GARRE1: variants seen among roughly 807,000 people sequenced by gnomAD.
GARRE1 encodes granule associated Rac and RHOG effector 1, also known as granule associated Rac and RHOG effector protein 1.
A neutral mutation model predicts 103.2 loss-of-function variants in GARRE1; 49 were observed. The observed-to-expected ratio is 0.47, with a 90% confidence interval of 0.38 to 0.60. The LOEUF is 0.60. Among genes scored for constraint, GARRE1 ranks in the 20% least tolerant of loss-of-function variants. GARRE1 has a pLI of 0.00. For synonymous variants in GARRE1, 505 were observed against 532.8 expected, an observed-to-expected ratio of 0.95 and a Z score of 0.72; for missense variants, 1,199 against 1,370.5, an observed-to-expected ratio of 0.87 and a Z score of 1.98.
At chr19:34,302,282 G>A (rs1171622424) in intron 2 of GARRE1, among the ~76,000 whole-genome samples, 14 of 138,060 alleles carry the variant, frequency 1.0e-4, no homozygotes, top group Non-Finnish European at 1.5e-5. Flanking sequence ...AGGAGCCACC[G>A]CGCCCAGCCG....
In GARRE1 at chr19:34,342,052, G is replaced by T. The variant is rs964632643; in HGVS notation, c.2118G>T (p.Gly706=). Residue 706 remains glycine (G), a synonymous_variant, in exon 10 of 14, where the codon GGG becomes GGT. Transcript: ENST00000299505. ...VPPPPRAPQA[G]AHTPLTPQPG... is the part of the protein sequence containing the mutation. The stretch of plus-strand genomic sequence containing the variant: ...CTCCACCACGGGCACCCCAGGCTGG[G>T]GCACACACACCTCTGACACCCCAGC... 1 of 1,613,974 alleles carries T rather than the reference G, an allele frequency of 6.2e-7. No individual in the cohort carries two copies. Among genetic ancestry groups the T allele is most frequent in the Admixed American group, 1.7e-5 (1 of 59,990 alleles).
intron 2 of GARRE1, among the ~76,000 whole-genome samples, chr19:34,313,054 G>C (rs2074044268): frequency 6.6e-6 from 1 of 152,222 alleles, no homozygotes; most frequent in African/African-American, 2.4e-5. Context: ...TACTGAGATG[G>C]GGAGTAGTGG....
rs61206770 is a variant in GARRE1 at position 34,328,001 on chromosome 19, C to T, written c.954C>T (p.Ser318=). The T allele has an allele frequency of 1.6e-4, 261 of 1,614,106 alleles. No individual in the cohort carries two copies. The African/African-American group carries it at 3.2e-3, about 20-fold the overall frequency. ...AIEASLQGCC[S]EAEAQQTGRR... ...CATGCCTTTTCCAGGGCTGCTGCAG[C>T]GAGGCGGAAGCCCAGCAGACGGGGC... is the stretch of plus-strand genomic sequence containing the variant. The change falls in exon 6 of 14, where the codon AGC becomes AGT. Residue 318 remains serine, a synonymous_variant. Coordinates refer to ENST00000299505, the MANE Select transcript of GARRE1 (RefSeq NM_014686.5).
rs566408391 is a variant in GARRE1, at chr19:34,352,047, A to G, written c.2904+455A>G. 3.3e-5 allele frequency among the ~76,000 whole-genome samples: 5 copies of G among 152,210 alleles called. No homozygotes were observed. The East Asian group carries it at 9.6e-4, about 29-fold the overall frequency. On this transcript the variant is annotated intron_variant, in intron 13 of 13. Coordinates refer to ENST00000299505, the MANE Select transcript of GARRE1 (RefSeq NM_014686.5). Reference sequence around the variant, plus strand: ...CAGGAATTTGAGATTACAGTAAGCTATGATTGCACCATTGCACTCCAGCCT... The same window carrying G: ...CAGGAATTTGAGATTACAGTAAGCTGTGATTGCACCATTGCACTCCAGCCT...
chr19:34,277,757 A>G (rs990463014), intron 1 of GARRE1, among the ~76,000 whole-genome samples: 10 of 152,120 alleles, frequency 6.6e-5, no homozygotes, highest in East Asian at 3.9e-4. Flanking sequence ...TAGATACACT[A>G]TTTCATTAGA....
chr19:34,299,129 T>C (rs1204917720), intron 1 of GARRE1, among the ~76,000 whole-genome samples: 2 of 152,246 alleles, frequency 1.3e-5, no homozygotes, highest in Non-Finnish European at 2.9e-5. Context: ...CTTTGGGACC[T>C]TTGCCGTGGT....
intron 1 of GARRE1, among the ~76,000 whole-genome samples, chr19:34,264,938 T>C (rs953552702): frequency 1.3e-5 from 2 of 152,210 alleles, no homozygotes; most frequent in Non-Finnish European, 2.9e-5. Flanking sequence ...GAGTCTGTTC[T>C]AGGATTCGTG....
chr19:34,349,064 C>T lies in GARRE1; in HGVS notation c.2736C>T (p.Ser912=). ...GWSGAQGDSA[S]SSDETSSANG... ...CGGGTGCTCAGGGAGACTCTGCCAGCTCGAGTGATGAGACATCCTCAGCCA... is the reference window on the plus strand; with the variant it reads ...CGGGTGCTCAGGGAGACTCTGCCAGTTCGAGTGATGAGACATCCTCAGCCA... Residue 912 remains serine (S), a synonymous_variant, in exon 12 of 14, where the codon AGC becomes AGT. Transcript: ENST00000299505. 6.2e-7 allele frequency: 1 copy of T among 1,612,700 alleles called. No individual in the cohort carries two copies.
intron 2 of GARRE1, among the ~76,000 whole-genome samples, chr19:34,312,809 C>T (rs2074043144): frequency 1.3e-5 from 2 of 152,170 alleles, no homozygotes; most frequent in East Asian, 1.9e-4. Context: ...TGCCTGTAGT[C>T]CCAGTTACTC....
At chr19:34,274,271 G>C (rs1001812465) in intron 1 of GARRE1, among the ~76,000 whole-genome samples, 2 of 152,084 alleles carry the variant, frequency 1.3e-5, no homozygotes, top group African/African-American at 4.8e-5. Context: ...CGGGTGTTGT[G>C]GTGTATGCCT....
intron 3 of GARRE1, among the ~76,000 whole-genome samples, chr19:34,323,253 G>A (rs112723328): frequency 0.019 from 2,897 of 151,364 alleles, 103 homozygotes; most frequent in African/African-American, 0.066. Context: ...GGATGGTCTC[G>A]ATCTCCTGAC....
intron 2 of GARRE1, among the ~76,000 whole-genome samples, chr19:34,311,112 C>T (rs1555783463): frequency 1.3e-5 from 2 of 152,168 alleles, no homozygotes; most frequent in Non-Finnish European, 2.9e-5. Context: ...CCTGTCTCAG[C>T]TTCCCAACTA....
intron 2 of GARRE1, among the ~76,000 whole-genome samples, chr19:34,310,168 A>C (rs1041464101): frequency 1.3e-5 from 2 of 152,262 alleles, no homozygotes; most frequent in Non-Finnish European, 2.9e-5. Flanking sequence ...AGGAGAGTTC[A>C]TGGAATATAA....
intron 1 of GARRE1, among the ~76,000 whole-genome samples, chr19:34,263,755 G>A (rs1253282385): frequency 6.6e-6 from 1 of 152,128 alleles, no homozygotes; most frequent in Admixed American, 6.5e-5. Flanking sequence ...CCAAAGTGCT[G>A]GGATTACAGG....
intron 1 of GARRE1, among the ~76,000 whole-genome samples, chr19:34,258,517 G>T (rs929105683): frequency 2.0e-5 from 3 of 152,166 alleles, no homozygotes; most frequent in Admixed American, 1.3e-4. Flanking sequence ...GGGCGCAGTG[G>T]CTCACGCCTG....
At chr19:34,277,925 T>G (rs2073827228) in intron 1 of GARRE1, among the ~76,000 whole-genome samples, 1 of 104,740 alleles carries the variant, frequency 9.5e-6, no homozygotes, top group African/African-American at 3.5e-5. Flanking sequence ...CCCCCAGCAG[T>G]TTTCAGAACA....
chr19:34,339,149 C>G (rs1166137307), intron 8 of GARRE1, among the ~76,000 whole-genome samples: 1 of 152,110 alleles, frequency 6.6e-6, no homozygotes, highest in Non-Finnish European at 1.5e-5. Context: ...ATCAGAGTGT[C>G]TGAGCTAGCA....
At chr19:34,284,884 T>C (rs1488005427) in intron 1 of GARRE1, among the ~76,000 whole-genome samples, 1 of 152,078 alleles carries the variant, frequency 6.6e-6, no homozygotes, top group Non-Finnish European at 1.5e-5. Context: ...AAGAATTTTA[T>C]TAAAATAATG....
At chr19:34,283,830 CTTTTT>C (rs11335136) in intron 1 of GARRE1, among the ~76,000 whole-genome samples, 4 of 117,252 alleles carry the variant, frequency 3.4e-5, no homozygotes, top group Admixed American at 9.1e-5. Flanking sequence ...TTCTTTCTTT[CTTTTT>C]TTTTTTTTTT....
Sources: gnomAD v4.1 joint callset for allele counts (sites outside exome capture counted in the v4.1 genomes callset) on GRCh38, gnomAD v4.1.1 for gene constraint, MANE v1.5 for transcripts, NCBI Gene and HGNC (gene_info 2026-07-23, HGNC 2026-07-21) for gene names.